PKD1L1: variants seen among roughly 807,000 people sequenced by gnomAD.
The protein encoded by PKD1L1 is polycystin 1 like 1, transient receptor potential channel interacting.
PKD1L1 carries 236 observed loss-of-function variants against 323.4 expected under a neutral mutation model. The ratio of observed to expected loss-of-function variants is 0.73; its 90% CI spans 0.66 to 0.81. PKD1L1 has a LOEUF of 0.81. Among genes scored for constraint, PKD1L1 ranks in the 40% least tolerant of loss-of-function variants. The probability of loss-of-function intolerance (pLI) is 0.00; values close to 1 mark genes in which losing one functional copy is unlikely to be tolerated. For missense variants in PKD1L1, 3,320 were observed against 3,508.0 expected (o/e 0.95, Z 1.35); for synonymous variants, 1,344 against 1,335.0 (o/e 1.01, Z -0.15).
In PKD1L1 at chr7:47,932,188, C is replaced by A. The variant is rs538083881; in HGVS notation, c.399-132G>T. The A allele has an allele frequency of 1.6e-4, 221 of 1,391,968 alleles. No homozygotes were observed. In the African/African-American group the frequency reaches 2.9e-3, roughly 19 times the overall value. 86.2% of individuals were successfully genotyped at this position (1,391,968 alleles called of 1,614,324 possible). A position where few individuals can be genotyped will look rare whatever the true frequency, so the allele number is the denominator to read the frequency against. On this transcript the variant is annotated intron_variant, in intron 4 of 56. Coordinates refer to ENST00000289672, the MANE Select transcript of PKD1L1 (RefSeq NM_138295.5). ...AATTCCCTTGCTGTGATTGCAGGCT[C>A]ATTCCTGGGAGTCAGGCCCAGGCTG... is the stretch of plus-strand genomic sequence containing the variant.
Position 47,877,504 on chromosome 7 carries a change from G to A in PKD1L1, c.3648C>T (p.Cys1216=), listed in dbSNP as rs766142579. 1.4e-5 allele frequency: 22 copies of A among 1,613,700 alleles called. No individual in the cohort carries two copies. The highest frequency in any genetic ancestry group is 1.8e-5 in the Non-Finnish European group (21 of 1,179,874). Residue 1216 remains cysteine, a synonymous_variant, in exon 22 of 57, where the codon TGC becomes TGT. Transcript: ENST00000289672. ...LEAHTVFSVF[C]MSGKPDFHYE... ...GTCCACGTACCGGTTTTCCAGACATGCAGAAGACACTGAAGACGGTGTGTG... is the reference window on the plus strand; with the variant it reads ...GTCCACGTACCGGTTTTCCAGACATACAGAAGACACTGAAGACGGTGTGTG...
At chr7:47,780,195 A>C (rs12113948) in intron 56 of PKD1L1, among the ~76,000 whole-genome samples, 42,330 of 152,020 alleles carry the variant, frequency 0.28, 6,223 homozygotes, top group East Asian at 0.57. Flanking sequence ...AATTAACGTA[A>C]AGAACATTCC....
chr7:47,860,894 T>C (rs959441463), intron 26 of PKD1L1, among the ~76,000 whole-genome samples: 4 of 152,190 alleles, frequency 2.6e-5, no homozygotes, highest in African/African-American at 9.7e-5. Context: ...GGGAAGTAAT[T>C]CCATTTCCCA....
chr7:47,804,582 G>A (rs1465719954), intron 52 of PKD1L1, among the ~76,000 whole-genome samples: 1 of 146,868 alleles, frequency 6.8e-6, no homozygotes, highest in Middle Eastern at 3.6e-3. Context: ...CAATTCTCCT[G>A]TCTCAGCCTA....
At chr7:47,781,387 G>GTT (rs200570381) in intron 56 of PKD1L1, among the ~76,000 whole-genome samples, 3 of 121,700 alleles carry the variant, frequency 2.5e-5, no homozygotes, top group Non-Finnish European at 5.2e-5. Flanking sequence ...AGAACAAAAG[G>GTT]TTTTTTTTTT....
intron 32 of PKD1L1, among the ~76,000 whole-genome samples, chr7:47,846,371 G>A (rs528941095): frequency 1.3e-5 from 2 of 152,312 alleles, no homozygotes; most frequent in Non-Finnish European, 2.9e-5. Context: ...GTTCATGTTT[G>A]CGCAGAGACT....
chr7:47,832,234 C>T (rs185073174), intron 41 of PKD1L1, among the ~76,000 whole-genome samples: 3 of 152,350 alleles, frequency 2.0e-5, no homozygotes, highest in Middle Eastern at 3.4e-3. Context: ...ACAACCTCAT[C>T]GGTGGCTGGT....
chr7:47,934,059 T>A (rs939953563), intron 4 of PKD1L1, among the ~76,000 whole-genome samples: 1 of 152,258 alleles, frequency 6.6e-6, no homozygotes, highest in Non-Finnish European at 1.5e-5. Context: ...ATGTTAAATG[T>A]TACTTTGTTT....
Position 47,812,066 on chromosome 7 carries a change from A to T in PKD1L1, c.7347-15T>A, listed in dbSNP as rs1156422700. ...GGGCTTCAGTCCTGTAAAACAGCAC[A>T]CACTGGGGTAGGGCAGGGCAGGGAG... On this transcript the variant is annotated splice_polypyrimidine_tract_variant and intron_variant, in intron 49 of 56. Transcript: ENST00000289672. The T allele has an allele frequency of 6.5e-7, 1 of 1,549,922 alleles. No individual in the cohort carries two copies. The highest frequency in any genetic ancestry group is 8.7e-7 in the Non-Finnish European group (1 of 1,144,968).
chr7:47,834,391 T>G lies in PKD1L1; in HGVS notation c.6128-6A>C, dbSNP rs1171088561. 6.2e-7 allele frequency: 1 copy of G among 1,613,262 alleles called. No individual in the cohort carries two copies. Among genetic ancestry groups the G allele is most frequent in the Non-Finnish European group, 8.5e-7 (1 of 1,179,306 alleles). Reference sequence around the variant, plus strand: ...CCTTCCCCAGGAATTAGGACCTGATTCAAAAAAATAAAAATCCAATGTACG... The same window carrying G: ...CCTTCCCCAGGAATTAGGACCTGATGCAAAAAAATAAAAATCCAATGTACG... On this transcript the variant is annotated splice_region_variant and splice_polypyrimidine_tract_variant and intron_variant, in intron 39 of 56. Coordinates refer to ENST00000289672, the MANE Select transcript of PKD1L1 (RefSeq NM_138295.5).
At chr7:47,835,482 C>A (rs1022493932) in intron 37 of PKD1L1, among the ~76,000 whole-genome samples, 1 of 152,118 alleles carries the variant, frequency 6.6e-6, no homozygotes, top group African/African-American at 2.4e-5. Context: ...CTCACTGCGA[C>A]CTCCGCCTCC....
chr7:47,945,123 T>A (rs1214881209), intron 1 of PKD1L1, among the ~76,000 whole-genome samples: 1 of 152,180 alleles, frequency 6.6e-6, no homozygotes, highest in Non-Finnish European at 1.5e-5. Flanking sequence ...GACACAGACC[T>A]ACTTCACGGG....
intron 26 of PKD1L1, among the ~76,000 whole-genome samples, chr7:47,863,899 A>T (rs866863441): frequency 2.1e-4 from 32 of 152,210 alleles, no homozygotes; most frequent in African/African-American, 6.8e-4. Flanking sequence ...AGTATAGCCC[A>T]TAACAGGCTC....
intron 56 of PKD1L1, among the ~76,000 whole-genome samples, chr7:47,786,087 G>T (rs1241541822): frequency 2.0e-5 from 3 of 152,046 alleles, no homozygotes; most frequent in Admixed American, 1.3e-4. Flanking sequence ...TCTTCCTCAA[G>T]GATTCAAACT....
intron 13 of PKD1L1, among the ~76,000 whole-genome samples, chr7:47,899,102 A>G (rs547757098): frequency 2.0e-5 from 3 of 152,234 alleles, no homozygotes; most frequent in Non-Finnish European, 4.4e-5. Context: ...TGGTGGGAAC[A>G]GCAGAAGCTT....
chr7:47,884,451 C>T (rs76978500), intron 19 of PKD1L1, 147 bp downstream of exon 19: 13,567 of 715,384 alleles, frequency 0.019, 560 homozygotes, highest in African/African-American at 0.14. Flanking sequence ...TTGGTTCAGA[C>T]CGTGCCATGT....
In PKD1L1 at chr7:47,835,025, A is replaced by T; in HGVS notation, c.6069T>A (p.Ser2023=). 1 of 1,613,936 alleles carries T rather than the reference A, an allele frequency of 6.2e-7. No individual in the cohort carries two copies. Among genetic ancestry groups the T allele is most frequent in the East Asian group, 2.2e-5 (1 of 44,864 alleles). ...GTGGGCTGTGTGGCTCCACTCGGGC[A>T]GACCCCGGGGCTTCCTGCAGAAGGA... is the stretch of plus-strand genomic sequence containing the variant. ...LFRLSKEAPG[S]ARVEPHSPLR... Residue 2023 remains serine, a synonymous_variant, in exon 39 of 57, where the codon TCT becomes TCA. Transcript: ENST00000289672.
At chr7:47,790,148 C>T (rs139883520) in intron 56 of PKD1L1, among the ~76,000 whole-genome samples, 25 of 151,960 alleles carry the variant, frequency 1.6e-4, no homozygotes, top group Middle Eastern at 6.8e-3. Flanking sequence ...CTAGGCCTCC[C>T]GAAGTGCTAT....
At chr7:47,856,469 T>C (rs543233148) in intron 28 of PKD1L1, among the ~76,000 whole-genome samples, 213 of 152,368 alleles carry the variant, frequency 1.4e-3, no homozygotes, top group South Asian at 2.7e-3. Flanking sequence ...GTTATAATAA[T>C]ATTGTTTTGA....
Sources: gnomAD v4.1 joint callset for allele counts (sites outside exome capture counted in the v4.1 genomes callset) on GRCh38, gnomAD v4.1.1 for gene constraint, MANE v1.5 for transcripts, NCBI Gene and HGNC (gene_info 2026-07-23, HGNC 2026-07-21) for gene names.